Variants in NEBL observed in about 807,000 individuals in gnomAD.
NEBL encodes the protein nebulette, also known as LIM and SH3 protein 2.
Under a neutral mutation model 140.2 loss-of-function variants are expected in NEBL, and 122 were observed. That is an observed-to-expected ratio of 0.87 (90% CI 0.75 to 1.01). The LOEUF is 1.01. Ranked by LOEUF, NEBL falls within the 50% of genes least tolerant of loss-of-function variation. The pLI is 0.00. For missense variants in NEBL, 1,365 were observed against 1,231.3 expected (o/e 1.11, Z -1.62); for synonymous variants, 436 against 398.9 (o/e 1.09, Z -1.11).
In NEBL at chr10:20,835,595, ATT is replaced by A. The variant is rs1554781158; in HGVS notation, c.1365_1366del (p.Ile456AsnfsTer2). On this transcript the variant is annotated frameshift_variant, in exon 14 of 28. Coordinates refer to ENST00000377122, the MANE Select transcript of NEBL (RefSeq NM_006393.3). LOFTEE classifies it high-confidence loss of function. The stretch of plus-strand genomic sequence containing the variant: ...AGCTTGCATTCCTTTCCCTTTAATT[ATT>A]GACTCCAGGTCTTTCTTGTATTCTT... The A allele has an allele frequency of 9.3e-6, 15 of 1,611,512 alleles. No homozygotes were observed. The highest frequency in any genetic ancestry group is 1.3e-5 in the Non-Finnish European group (15 of 1,179,158).
At chr10:20,829,187 G>T (rs887276236) in intron 16 of NEBL, among the ~76,000 whole-genome samples, 1 of 152,050 alleles carries the variant, frequency 6.6e-6, no homozygotes, top group Admixed American at 6.6e-5. Context: ...CAAAATCAGT[G>T]AAGTTAATTA....
intron 2 of NEBL, among the ~76,000 whole-genome samples, chr10:21,058,399 CA>C (rs1222644506): frequency 6.6e-6 from 1 of 151,380 alleles, no homozygotes; most frequent in Non-Finnish European, 1.5e-5. Flanking sequence ...ATTAAGCAAA[CA>C]AAAAAATTTC....
intron 9 of NEBL, among the ~76,000 whole-genome samples, chr10:20,857,926 C>T (rs1169148329): frequency 6.6e-5 from 10 of 152,042 alleles, no homozygotes; most frequent in Admixed American, 6.6e-4. Flanking sequence ...GACTTGAGAG[C>T]CTGAACTTCA....
intron 2 of NEBL, among the ~76,000 whole-genome samples, chr10:20,890,740 C>T (rs149793273): frequency 1.3e-5 from 2 of 152,140 alleles, no homozygotes; most frequent in East Asian, 1.9e-4. Flanking sequence ...ATTGTTATGC[C>T]GGGGGAAGAC....
At chr10:20,831,380 C>G in intron 15 of NEBL, 74 bp from the exon 16 acceptor site, 5 of 1,497,642 alleles carry the variant, frequency 3.3e-6, no homozygotes, top group Non-Finnish European at 4.6e-6. Context: ...ATGTTTGAAT[C>G]TCAAAGCCAC....
chr10:20,991,471 T>C (rs1295437202), intron 3 of NEBL, among the ~76,000 whole-genome samples: 1 of 152,182 alleles, frequency 6.6e-6, no homozygotes, highest in Non-Finnish European at 1.5e-5. Flanking sequence ...AAATTTTCCC[T>C]GATATTTGCT....
chr10:21,265,920 G>A (rs935180640), intron 1 of NEBL, among the ~76,000 whole-genome samples: 1 of 152,184 alleles, frequency 6.6e-6, no homozygotes, highest in Non-Finnish European at 1.5e-5. Context: ...CCCTTGTGTA[G>A]AACACACCTT....
chr10:21,287,354 G>A (rs1843070206), intron 1 of NEBL, among the ~76,000 whole-genome samples: 8 of 152,050 alleles, frequency 5.3e-5, no homozygotes, highest in Admixed American at 2.6e-4. Context: ...TGGGCAACAT[G>A]GTAAAACCCC....
chr10:20,887,569 C>A (rs1276405259), intron 4 of NEBL, among the ~76,000 whole-genome samples: 1 of 151,900 alleles, frequency 6.6e-6, no homozygotes, highest in East Asian at 1.9e-4. Context: ...CAGGTGCATG[C>A]CAACAAACGG....
chr10:21,115,473 G>C (rs1462292346), intron 2 of NEBL, among the ~76,000 whole-genome samples: 4 of 151,874 alleles, frequency 2.6e-5, no homozygotes, highest in African/African-American at 9.7e-5. Flanking sequence ...GTGTGTCTGG[G>C]AAGGTCTTTA....
intron 2 of NEBL, among the ~76,000 whole-genome samples, chr10:21,049,296 A>G (rs1242967884): frequency 2.0e-5 from 3 of 152,196 alleles, no homozygotes; most frequent in African/African-American, 7.2e-5. Flanking sequence ...TGTTTCTCCT[A>G]TGAGGGTTGC....
At chr10:20,991,290 G>A (rs1219794145) in intron 3 of NEBL, among the ~76,000 whole-genome samples, 1 of 151,888 alleles carries the variant, frequency 6.6e-6, no homozygotes, top group East Asian at 1.9e-4. Flanking sequence ...TTAGCTTGAT[G>A]ACAAAAAATG....
At chr10:20,868,572 T>TATCC in intron 7 of NEBL, 92 bp downstream of exon 7, 1 of 912,518 alleles carries the variant, frequency 1.1e-6, no homozygotes, top group Non-Finnish European at 1.8e-6. Flanking sequence ...TTCTTGCAAT[T>TATCC]AAAGATATTA....
chr10:20,804,400 T>C (rs1837419974), intron 26 of NEBL: 1 of 152,210 alleles, frequency 6.6e-6, no homozygotes, highest in South Asian at 2.1e-4. Flanking sequence ...GTGGATCATT[T>C]GCTTTATCAA....
chr10:20,808,523 C>G lies in NEBL; in HGVS notation c.2748G>C (p.Pro916=), dbSNP rs778128527. ...AATGTTTGATACCTCCTTCATCAGACGGTCTTGTTACCTCACTGCAGCATG... is the reference window on the plus strand; with the variant it reads ...AATGTTTGATACCTCCTTCATCAGAGGGTCTTGTTACCTCACTGCAGCATG... The part of the protein sequence containing the change: ...SFSCCSEVTR[P]SDEGAPVLPG... The change falls in exon 26 of 28, where the codon CCG becomes CCC. Residue 916 remains proline (P), a synonymous_variant. Transcript: ENST00000377122. The G allele has an allele frequency of 1.2e-6, 2 of 1,613,874 alleles. No homozygotes were observed. The highest frequency in any genetic ancestry group is 1.7e-6 in the Non-Finnish European group (2 of 1,179,852).
chr10:21,276,748 C>G (rs920551519), intron 1 of NEBL, among the ~76,000 whole-genome samples: 1 of 152,158 alleles, frequency 6.6e-6, no homozygotes, highest in African/African-American at 2.4e-5. Flanking sequence ...GCAGGCAGAT[C>G]ACTTGAGGCC....
chr10:21,107,267 C>G (rs757288456), intron 2 of NEBL, among the ~76,000 whole-genome samples: 11 of 152,154 alleles, frequency 7.2e-5, no homozygotes, highest in Non-Finnish European at 1.5e-4. Flanking sequence ...TGACGGTTTT[C>G]AAAGGGTGCC....
intron 26 of NEBL, among the ~76,000 whole-genome samples, chr10:20,804,854 A>T (rs1347412840): frequency 1.3e-5 from 2 of 152,208 alleles, no homozygotes; most frequent in African/African-American, 4.8e-5. Context: ...TAGAAGAGTG[A>T]CATGATGTCA....
At chr10:21,137,483 G>A (rs943149074) in intron 2 of NEBL, among the ~76,000 whole-genome samples, 7 of 152,196 alleles carry the variant, frequency 4.6e-5, no homozygotes, top group Non-Finnish European at 1.0e-4. Context: ...GACATCTGTA[G>A]AATTATTCCA....
Sources: allele counts gnomAD v4.1 joint callset (sites outside exome capture counted in the v4.1 genomes callset), GRCh38; gene constraint gnomAD v4.1.1; transcripts MANE v1.5; gene names NCBI Gene and HGNC (gene_info 2026-07-23, HGNC 2026-07-21).